ROR1: variants seen among roughly 807,000 people sequenced by gnomAD.
ROR1 encodes the protein inactive tyrosine-protein kinase transmembrane receptor ROR1.
In ROR1, 19 loss-of-function variants were observed where a neutral mutation model predicts 78.8. That is an observed-to-expected ratio of 0.24 (90% CI 0.17 to 0.35). The LOEUF (loss-of-function observed/expected upper bound fraction) is 0.35. ROR1 is among the 10% of genes least tolerant of loss of function. The pLI is 1.00. For synonymous variants in ROR1, 386 were observed against 433.6 expected (o/e 0.89, Z 1.36); for missense variants, 917 against 1,177.8 (o/e 0.78, Z 3.24).
intron 1 of ROR1, among the ~76,000 whole-genome samples, chr1:63,953,618 A>G (rs1295256726): frequency 1.3e-5 from 2 of 152,184 alleles, no homozygotes; most frequent in South Asian, 2.1e-4. Flanking sequence ...ACAGTGTCCA[A>G]CCCAGTGCTT....
intron 2 of ROR1, among the ~76,000 whole-genome samples, chr1:64,010,360 A>G (rs539847131): frequency 9.1e-5 from 13 of 143,616 alleles, no homozygotes; most frequent in Non-Finnish European, 1.2e-4. Context: ...GAGGGTTTCT[A>G]TCTTACTTTT....
intron 1 of ROR1, among the ~76,000 whole-genome samples, chr1:63,868,403 A>G (rs1645230275): frequency 6.6e-6 from 1 of 152,122 alleles, no homozygotes; most frequent in Non-Finnish European, 1.5e-5. Context: ...AGGCAGAGGG[A>G]GGCTGGGCCA....
intron 1 of ROR1, among the ~76,000 whole-genome samples, chr1:63,792,195 G>C (rs1185999162): frequency 6.6e-6 from 1 of 152,088 alleles, no homozygotes; most frequent in East Asian, 1.9e-4. Context: ...TGAGGGAGGA[G>C]CAGTGAGTGC....
intron 1 of ROR1, among the ~76,000 whole-genome samples, chr1:63,821,765 G>A (rs1025139742): frequency 6.6e-6 from 1 of 152,206 alleles, no homozygotes; most frequent in Non-Finnish European, 1.5e-5. Context: ...AGCTTCAGCC[G>A]TGAGGATATT....
At chr1:63,888,300 A>C (rs1645370937) in intron 1 of ROR1, among the ~76,000 whole-genome samples, 1 of 152,134 alleles carries the variant, frequency 6.6e-6, no homozygotes, top group Non-Finnish European at 1.5e-5. Context: ...AACAGGAAAC[A>C]TGAAAAAAAG....
At chr1:64,092,414 G>A (rs949029716) in intron 4 of ROR1, among the ~76,000 whole-genome samples, 1 of 152,146 alleles carries the variant, frequency 6.6e-6, no homozygotes, top group African/African-American at 2.4e-5. Context: ...GCCTCTCTGT[G>A]CTTAGTTTTG....
At chr1:63,964,833 C>T (rs1346946561) in intron 1 of ROR1, among the ~76,000 whole-genome samples, 1 of 152,170 alleles carries the variant, frequency 6.6e-6, no homozygotes, top group African/African-American at 2.4e-5. Context: ...GTCTGAGCAC[C>T]TGGTTATGTG....
intron 1 of ROR1, among the ~76,000 whole-genome samples, chr1:63,971,637 A>G (rs1646120513): frequency 6.6e-6 from 1 of 152,172 alleles, no homozygotes; most frequent in Non-Finnish European, 1.5e-5. Flanking sequence ...TAAATCTTGT[A>G]AAAGTTGGGC....
intron 1 of ROR1, among the ~76,000 whole-genome samples, chr1:63,813,587 T>C (rs966822232): frequency 2.0e-5 from 3 of 152,320 alleles, no homozygotes; most frequent in African/African-American, 7.2e-5. Context: ...GAGTAGATGC[T>C]CAATGAACAT....
In ROR1 at chr1:64,014,773, T is replaced by TATATATATATATATACAC. The variant is rs71056017; in HGVS notation, c.163+5398_163+5399insTATATATATATATACACA. On this transcript the variant is annotated intron_variant, in intron 2 of 8. Transcript: ENST00000371079. ...ATATATATATATATATATATATATATACACATTTTGTCCTGGTTTGCCTTT... is the reference window on the plus strand; with the variant it reads ...ATATATATATATATATATATATATATATATATATATATATACACACACATTTTGTCCTGGTTTGCCTTT... 1.4e-3 allele frequency among the ~76,000 whole-genome samples: 65 copies of TATATATATATATATACAC among 46,842 alleles called. 3 individuals are homozygous for TATATATATATATATACAC. The highest frequency in any genetic ancestry group is 2.0e-3 in the Non-Finnish European group (43 of 21,496). The allele number at this position is 46,842 out of a possible 152,430, so 30.7% of individuals were successfully genotyped here.
intron 4 of ROR1, among the ~76,000 whole-genome samples, chr1:64,114,735 A>G (rs555804648): frequency 1.3e-5 from 2 of 152,210 alleles, no homozygotes; most frequent in Non-Finnish European, 2.9e-5. Flanking sequence ...GTGAACGATG[A>G]GGGAATCATA....
chr1:64,147,288 A>G (rs1019532715), intron 7 of ROR1, among the ~76,000 whole-genome samples: 1 of 152,238 alleles, frequency 6.6e-6, no homozygotes, highest in Non-Finnish European at 1.5e-5. Flanking sequence ...ACTGGTTAAT[A>G]CTAGTCACAT....
intron 1 of ROR1, among the ~76,000 whole-genome samples, chr1:63,913,350 T>C (rs1645585705): frequency 6.6e-6 from 1 of 152,128 alleles, no homozygotes; most frequent in Non-Finnish European, 1.5e-5. Context: ...GAAAAATAAA[T>C]CTTAAATATT....
chr1:64,143,368 A>G, intron 7 of ROR1: 1 of 498,478 alleles, frequency 2.0e-6, no homozygotes, highest in Non-Finnish European at 2.3e-6. Context: ...CAAAAAAAAG[A>G]AAAAAAAAAA....
At chr1:64,059,021 A>G (rs898469641) in intron 4 of ROR1, among the ~76,000 whole-genome samples, 1 of 151,732 alleles carries the variant, frequency 6.6e-6, no homozygotes, top group Non-Finnish European at 1.5e-5. Context: ...GTCTATTTAA[A>G]TTTTCTGTTT....
At chr1:63,901,941 CAA>C (rs1045540284) in intron 1 of ROR1, among the ~76,000 whole-genome samples, 1 of 146,908 alleles carries the variant, frequency 6.8e-6, no homozygotes, top group Non-Finnish European at 1.5e-5. Flanking sequence ...AAAGAGTAAA[CAA>C]AGGATACACG....
At chr1:63,850,788 T>A (rs1645109322) in intron 1 of ROR1, among the ~76,000 whole-genome samples, 1 of 152,160 alleles carries the variant, frequency 6.6e-6, no homozygotes, top group Non-Finnish European at 1.5e-5. Context: ...GAACACATTA[T>A]GTACATTTCT....
At chr1:63,851,393 G>C (rs542307000) in intron 1 of ROR1, among the ~76,000 whole-genome samples, 14 of 152,208 alleles carry the variant, frequency 9.2e-5, no homozygotes, top group African/African-American at 3.1e-4. Flanking sequence ...GTTGACCCTT[G>C]GTGCTTTAAA....
chr1:64,065,478 A>G (rs1473953423), intron 4 of ROR1, among the ~76,000 whole-genome samples: 1 of 152,236 alleles, frequency 6.6e-6, no homozygotes, highest in Non-Finnish European at 1.5e-5. Context: ...GTACAGCAAC[A>G]GCAGAAGACA....
Sources: gnomAD v4.1 joint callset for allele counts (sites outside exome capture counted in the v4.1 genomes callset) on GRCh38, gnomAD v4.1.1 for gene constraint, MANE v1.5 for transcripts, NCBI Gene and HGNC (gene_info 2026-07-23, HGNC 2026-07-21) for gene names.